NLGN1: variants seen among roughly 807,000 people sequenced by gnomAD.
The protein encoded by NLGN1 is neuroligin 1.
In NLGN1, 12 loss-of-function variants were observed where a neutral mutation model predicts 65.5. That is an observed-to-expected ratio of 0.18 (90% confidence interval 0.12 to 0.30). The LOEUF is 0.30. Among genes scored for constraint, NLGN1 ranks in the 10% least tolerant of loss-of-function variants. NLGN1 has a pLI of 1.00. For missense variants in NLGN1, 750 were observed against 1,007.1 expected (o/e 0.74, Z 3.46); for synonymous variants, 350 against 359.5 (o/e 0.97, Z 0.30).
At chr3:173,491,320 G>T (rs1283421907) in intron 2 of NLGN1, among the ~76,000 whole-genome samples, 2 of 151,748 alleles carry the variant, frequency 1.3e-5, no homozygotes, top group Admixed American at 6.6e-5. Flanking sequence ...GTTGAATTTT[G>T]TCAAAGGCCT....
At chr3:173,891,922 A>G (rs1413503222) in intron 4 of NLGN1, among the ~76,000 whole-genome samples, 1 of 148,812 alleles carries the variant, frequency 6.7e-6, no homozygotes, top group Non-Finnish European at 1.5e-5. Context: ...ATGAATGAAT[A>G]TGCAAGAAAG....
intron 4 of NLGN1, among the ~76,000 whole-genome samples, chr3:173,899,987 G>A (rs1737038918): frequency 6.6e-6 from 1 of 152,082 alleles, no homozygotes; most frequent in African/African-American, 2.4e-5. Context: ...GAGATAATGT[G>A]TTCAGATTTT....
intron 4 of NLGN1, among the ~76,000 whole-genome samples, chr3:173,823,161 A>G (rs1720659200): frequency 2.0e-5 from 3 of 152,052 alleles, no homozygotes; most frequent in Admixed American, 2.0e-4. Context: ...AAATTGGTCT[A>G]TTAGTCTAAA....
chr3:173,648,493 C>A (rs1192835430), intron 3 of NLGN1, among the ~76,000 whole-genome samples: 2 of 152,034 alleles, frequency 1.3e-5, no homozygotes, highest in African/African-American at 4.8e-5. Flanking sequence ...TGAGGAATTC[C>A]AAACTCTTGT....
chr3:173,705,027 C>T (rs1159139791), intron 3 of NLGN1, among the ~76,000 whole-genome samples: 2 of 151,954 alleles, frequency 1.3e-5, no homozygotes, highest in African/African-American at 2.4e-5. Flanking sequence ...TTTTGCCATT[C>T]CAGTTGATAA....
chr3:173,457,388 A>G (rs1560282149), intron 2 of NLGN1, among the ~76,000 whole-genome samples: 1 of 152,102 alleles, frequency 6.6e-6, no homozygotes, highest in Non-Finnish European at 1.5e-5. Flanking sequence ...CAAAGAGGCT[A>G]GGTTCACAAA....
chr3:173,426,481 C>T (rs948798945), intron 1 of NLGN1, among the ~76,000 whole-genome samples: 1 of 151,954 alleles, frequency 6.6e-6, no homozygotes, highest in Non-Finnish European at 1.5e-5. Flanking sequence ...TCATATACAG[C>T]CTTTAATGTT....
intron 4 of NLGN1, among the ~76,000 whole-genome samples, chr3:174,201,268 A>G (rs1734402702): frequency 7.1e-6 from 1 of 139,982 alleles, no homozygotes; most frequent in Non-Finnish European, 1.6e-5. Flanking sequence ...AGGAACAGGA[A>G]GGAAAGGAAA....
At chr3:173,994,096 A>G (rs1021738478) in intron 4 of NLGN1, among the ~76,000 whole-genome samples, 3 of 152,002 alleles carry the variant, frequency 2.0e-5, no homozygotes, top group Non-Finnish European at 4.4e-5. Flanking sequence ...TGAAAAATAT[A>G]AAGTTTAATA....
intron 4 of NLGN1, among the ~76,000 whole-genome samples, chr3:174,027,721 A>G (rs1035337325): frequency 4.6e-5 from 7 of 152,148 alleles, no homozygotes; most frequent in African/African-American, 1.4e-4. Context: ...TTAAAAGCTT[A>G]ATTTTTATAG....
chr3:173,457,240 G>C (rs548851387), intron 2 of NLGN1, among the ~76,000 whole-genome samples: 5 of 152,096 alleles, frequency 3.3e-5, no homozygotes, highest in African/African-American at 1.2e-4. Flanking sequence ...AATGACATTT[G>C]AGTTGAGAAG....
chr3:173,477,711 C>A (rs1285472977), intron 2 of NLGN1, among the ~76,000 whole-genome samples: 1 of 152,114 alleles, frequency 6.6e-6, no homozygotes, highest in Non-Finnish European at 1.5e-5. Context: ...GTTCATCATG[C>A]ATTTCTCTAA....
At chr3:173,500,779 C>T (rs984478771) in intron 2 of NLGN1, among the ~76,000 whole-genome samples, 9 of 151,986 alleles carry the variant, frequency 5.9e-5, no homozygotes, top group Non-Finnish European at 1.2e-4. Flanking sequence ...ATACCTTCTC[C>T]AACTCCTCAG....
At chr3:173,586,678 A>C (rs1747506556) in intron 2 of NLGN1, among the ~76,000 whole-genome samples, 1 of 152,214 alleles carries the variant, frequency 6.6e-6, no homozygotes, top group South Asian at 2.1e-4. Flanking sequence ...CTACAAACCC[A>C]ATTGTTAGTT....
intron 3 of NLGN1, among the ~76,000 whole-genome samples, chr3:173,758,226 A>G (rs1390037863): frequency 6.6e-6 from 1 of 152,020 alleles, no homozygotes; most frequent in Admixed American, 6.6e-5. Context: ...CAGATATGGA[A>G]TCAGCTTTTG....
intron 4 of NLGN1, among the ~76,000 whole-genome samples, chr3:174,237,530 T>A (rs537145244): frequency 6.6e-6 from 1 of 152,306 alleles, no homozygotes; most frequent in Admixed American, 6.5e-5. Flanking sequence ...TTCTATTGTT[T>A]TTATATGTAA....
At chr3:173,899,960 A>G (rs1038860256) in intron 4 of NLGN1, among the ~76,000 whole-genome samples, 3 of 152,150 alleles carry the variant, frequency 2.0e-5, no homozygotes, top group Non-Finnish European at 2.9e-5. Flanking sequence ...TGCATATGCA[A>G]TCAACTGAGT....
intron 4 of NLGN1, among the ~76,000 whole-genome samples, chr3:174,019,803 G>A (rs1047205877): frequency 2.6e-5 from 4 of 151,964 alleles, no homozygotes; most frequent in Non-Finnish European, 5.9e-5. Context: ...GCATAGTTAC[G>A]CACTAGAACA....
intron 4 of NLGN1, among the ~76,000 whole-genome samples, chr3:174,103,924 T>C (rs1272317568): frequency 6.6e-6 from 1 of 152,120 alleles, no homozygotes; most frequent in East Asian, 1.9e-4. Flanking sequence ...CTATTTATTA[T>C]TTTTCTTTTT....
Sources: allele counts gnomAD v4.1 joint callset (sites outside exome capture counted in the v4.1 genomes callset), GRCh38; gene constraint gnomAD v4.1.1; transcripts MANE v1.5; gene names NCBI Gene and HGNC (gene_info 2026-07-23, HGNC 2026-07-21).